Variants in AFAP1 observed in about 807,000 individuals in gnomAD.
The protein encoded by AFAP1 is actin filament associated protein 1.
AFAP1 carries 75 observed loss-of-function variants against 93.9 expected under a neutral mutation model. That is an observed-to-expected ratio of 0.80 (90% CI 0.66 to 0.97). The LOEUF is 0.97. Ranked by LOEUF, AFAP1 falls within the 50% of genes least tolerant of loss-of-function variation. AFAP1 has a pLI of 0.00. For synonymous variants in AFAP1, 517 were observed against 430.7 expected (o/e 1.20, Z -2.48); for missense variants, 1,201 against 1,050.8 (o/e 1.14, Z -1.98).
intron 1 of AFAP1, among the ~76,000 whole-genome samples, chr4:7,873,418 G>T (rs1717239557): frequency 7.9e-6 from 1 of 126,170 alleles, no homozygotes; most frequent in African/African-American, 3.1e-5. Context: ...GCACGATCTG[G>T]GCTCACTGAA....
At chr4:7,869,346 G>A (rs1004208270) in intron 2 of AFAP1, among the ~76,000 whole-genome samples, 1 of 152,210 alleles carries the variant, frequency 6.6e-6, no homozygotes, top group Admixed American at 6.5e-5. Context: ...CACCTCAAAG[G>A]GAAAGCTGCT....
chr4:7,919,643 AATTTTT>A (rs1560236753), intron 1 of AFAP1, among the ~76,000 whole-genome samples: 2 of 151,756 alleles, frequency 1.3e-5, no homozygotes, highest in African/African-American at 2.4e-5. Flanking sequence ...ATTTTTTTTT[AATTTTT>A]AAGTTCTGGG....
chr4:7,767,213 T>G (rs1714724564), intron 17 of AFAP1, among the ~76,000 whole-genome samples: 1 of 152,136 alleles, frequency 6.6e-6, no homozygotes, highest in Non-Finnish European at 1.5e-5. Context: ...TGGGGACCCA[T>G]CTGGACAGCT....
chr4:7,885,055 C>T (rs868091163), intron 1 of AFAP1, among the ~76,000 whole-genome samples: 13 of 152,170 alleles, frequency 8.5e-5, no homozygotes, highest in Middle Eastern at 6.3e-3. Context: ...CACAAAAGCT[C>T]ATCTCATCGC....
intron 1 of AFAP1, among the ~76,000 whole-genome samples, chr4:7,882,345 C>G (rs1717899804): frequency 6.6e-6 from 1 of 151,762 alleles, no homozygotes; most frequent in African/African-American, 2.4e-5. Context: ...AACACCAAGG[C>G]TACTGCATAA....
intron 5 of AFAP1, chr4:7,842,543 G>C (rs989352172): frequency 6.6e-6 from 1 of 151,984 alleles, no homozygotes; most frequent in African/African-American, 2.4e-5. Context: ...GGAGTGGGGA[G>C]GAGGAAGGGA....
intron 8 of AFAP1, among the ~76,000 whole-genome samples, chr4:7,812,480 A>C (rs2149057156): frequency 6.6e-6 from 1 of 152,342 alleles, no homozygotes; most frequent in Middle Eastern, 3.4e-3. Context: ...CCTGGGGCGA[A>C]AAAATCCAAG....
rs1014630128 is a variant in AFAP1 at position 7,781,379 on chromosome 4, C to A, written c.1779G>T (p.Ser593=). 1.2e-5 allele frequency: 19 copies of A among 1,551,240 alleles called. No homozygotes were observed. Among genetic ancestry groups the A allele is most frequent in the Admixed American group, 7.8e-5 (4 of 50,968 alleles). Residue 593 remains serine, a synonymous_variant, in exon 13 of 18, where the codon TCG becomes TCT. Transcript: ENST00000420658. Reference sequence around the variant, plus strand: ...CTTACAGAAGAAGATGCCGTACCTGCGAGTTGAGCCCGAGAGACGCCCTCC... The same window carrying A: ...CTTACAGAAGAAGATGCCGTACCTGAGAGTTGAGCCCGAGAGACGCCCTCC... ...SVGRASLGLN[S]QLKGKKPPVA...
At chr4:7,893,912 T>C (rs1045397662) in intron 1 of AFAP1, among the ~76,000 whole-genome samples, 2 of 152,112 alleles carry the variant, frequency 1.3e-5, no homozygotes, top group Non-Finnish European at 2.9e-5. Context: ...AAGGAAATAA[T>C]GCAAACGCTG....
At chr4:7,889,559 GAA>G (rs373929691) in intron 1 of AFAP1, among the ~76,000 whole-genome samples, 5,194 of 113,664 alleles carry the variant, frequency 0.046, 113 homozygotes, top group Non-Finnish European at 0.07. Context: ...AAAAAAAAAA[GAA>G]AAAAAAAAAG....
intron 4 of AFAP1, among the ~76,000 whole-genome samples, chr4:7,849,036 C>T (rs750516034): frequency 6.6e-6 from 1 of 152,174 alleles, no homozygotes; most frequent in Non-Finnish European, 1.5e-5. Flanking sequence ...CTTCTCTCCA[C>T]CCAAATGACA....
At chr4:7,860,041 G>A (rs1250667639) in intron 3 of AFAP1, among the ~76,000 whole-genome samples, 1 of 152,136 alleles carries the variant, frequency 6.6e-6, no homozygotes, top group African/African-American at 2.4e-5. Context: ...TGCTAGGGAG[G>A]CTGAGGTGGG....
rs1389190554 is a variant in AFAP1 at position 7,761,659 on chromosome 4, A to C, written c.*2106T>G. The C allele has an allele frequency of 6.6e-6, 1 of 152,278 alleles. No homozygotes were observed. Among genetic ancestry groups the C allele is most frequent in the Non-Finnish European group, 1.5e-5 (1 of 68,066 alleles). 9.4% of individuals were successfully genotyped at this position (152,278 alleles called of 1,614,324 possible). A position where few individuals can be genotyped will look rare whatever the true frequency, so the allele number is the denominator to read the frequency against. ...GTTCTCTTTGGCAAAGCAGGCTGCC[A>C]ATCAGAGTGGCCCAAGAGTGTCAAC... On this transcript the variant is annotated 3_prime_UTR_variant, in exon 18 of 18. Coordinates refer to ENST00000420658, the MANE Select transcript of AFAP1 (RefSeq NM_001134647.2).
intron 17 of AFAP1, 90 bp from the exon 18 acceptor site, chr4:7,763,881 G>C (rs1714161113): frequency 5.2e-6 from 7 of 1,343,114 alleles, no homozygotes; most frequent in South Asian, 5.0e-5. Context: ...CTCAGAGGGG[G>C]TGGGTGCTCG....
intron 17 of AFAP1, 87 bp from the exon 18 acceptor site, chr4:7,763,878 G>A (rs1226464883): frequency 1.4e-6 from 2 of 1,383,548 alleles, no homozygotes; most frequent in East Asian, 2.5e-5. Flanking sequence ...CAACTCAGAG[G>A]GGGTGGGTGC....
chr4:7,765,316 G>C (rs1243306439), intron 17 of AFAP1, among the ~76,000 whole-genome samples: 2 of 152,142 alleles, frequency 1.3e-5, no homozygotes, highest in African/African-American at 4.8e-5. Context: ...CACCTGGCCA[G>C]CCTCATGCAT....
chr4:7,931,117 G>A (rs1721040633), intron 1 of AFAP1, among the ~76,000 whole-genome samples: 1 of 152,072 alleles, frequency 6.6e-6, no homozygotes, highest in Non-Finnish European at 1.5e-5. Context: ...GAGCGGGGAG[G>A]GTAAGCCACC....
intron 14 of AFAP1, chr4:7,776,710 A>T (rs1354452312): frequency 6.6e-6 from 1 of 152,202 alleles, no homozygotes; most frequent in East Asian, 1.9e-4. Flanking sequence ...ATGACAGCAA[A>T]AGCGTCGGCA....
chr4:7,782,130 C>G (rs1261330642), intron 12 of AFAP1, among the ~76,000 whole-genome samples: 3 of 152,216 alleles, frequency 2.0e-5, no homozygotes, highest in African/African-American at 7.2e-5. Context: ...TTACACAGCA[C>G]TTCTCACGTC....
Sources: gnomAD v4.1 joint callset for allele counts (sites outside exome capture counted in the v4.1 genomes callset) on GRCh38, gnomAD v4.1.1 for gene constraint, MANE v1.5 for transcripts, NCBI Gene and HGNC (gene_info 2026-07-23, HGNC 2026-07-21) for gene names.